The following PRRC2C variants were observed in gnomAD, a reference collection of about 807,000 sequenced individuals.
PRRC2C encodes the protein protein PRRC2C.
In PRRC2C, 72 loss-of-function variants were observed where a neutral mutation model predicts 317.2. The ratio of observed to expected loss-of-function variants is 0.23; its 90% CI spans 0.19 to 0.28. The LOEUF (loss-of-function observed/expected upper bound fraction) is 0.28. PRRC2C is among the 10% of genes least tolerant of loss of function. The probability of loss-of-function intolerance (pLI) is 1.00; values close to 1 mark genes in which losing one functional copy is unlikely to be tolerated. For synonymous variants in PRRC2C, 1,296 were observed against 1,205.9 expected (o/e 1.07, Z -1.55); for missense variants, 3,074 against 3,459.7 (o/e 0.89, Z 2.80).
chr1:171,519,169 TCAC>T (rs1374167718), intron 6 of PRRC2C, among the ~76,000 whole-genome samples: 1 of 152,002 alleles, frequency 6.6e-6, no homozygotes. Flanking sequence ...TAGGCATGAG[TCAC>T]CATGCCCGCT....
chr1:171,564,471 C>T (rs1683255548), intron 20 of PRRC2C, among the ~76,000 whole-genome samples: 1 of 152,220 alleles, frequency 6.6e-6, no homozygotes, highest in Non-Finnish European at 1.5e-5. Context: ...TCTAATACTA[C>T]TGTACACTTA....
chr1:171,542,295 G>A (rs1457829335), intron 16 of PRRC2C, 66 bp downstream of exon 16: 10 of 1,346,280 alleles, frequency 7.4e-6, no homozygotes, highest in East Asian at 5.0e-5. Context: ...AGAGTTCTTG[G>A]TTGAATTATG....
At chr1:171,508,942 A>C (rs1006867697) in intron 1 of PRRC2C, among the ~76,000 whole-genome samples, 3 of 151,380 alleles carry the variant, frequency 2.0e-5, no homozygotes, top group African/African-American at 4.9e-5. Context: ...GCTGGAGTGC[A>C]GTGGCATGAT....
chr1:171,581,933 A>G (rs1471882138), intron 28 of PRRC2C, among the ~76,000 whole-genome samples: 2 of 149,656 alleles, frequency 1.3e-5, no homozygotes, highest in Non-Finnish European at 3.0e-5. Context: ...ATCTCAGATG[A>G]TAGGGAAGTC....
chr1:171,532,922 A>G lies in PRRC2C; in HGVS notation c.1834A>G (p.Met612Val). 10 of 1,566,902 alleles carry G rather than the reference A, an allele frequency of 6.4e-6. No individual in the cohort carries two copies. The highest frequency in any genetic ancestry group is 2.3e-5 in the East Asian group (1 of 44,416). Residue 612 changes from methionine to valine, a missense_variant, in exon 12 of 35, where the codon ATG becomes GTG. Transcript: ENST00000647382. The part of the protein sequence containing the change: ...IEPREPNLEP[M>V]VEKQESENSC... ...ACCCAGAGAACCTAATTTAGAGCCCATGGTAGAAAAACAAGAAAGTGAAAA... is the reference window on the plus strand; with the variant it reads ...ACCCAGAGAACCTAATTTAGAGCCCGTGGTAGAAAAACAAGAAAGTGAAAA...
chr1:171,558,380 G>A (rs1406266789), intron 19 of PRRC2C, among the ~76,000 whole-genome samples: 5 of 140,962 alleles, frequency 3.5e-5, no homozygotes, highest in African/African-American at 1.3e-4. Flanking sequence ...GCAATGTTTG[G>A]GGGGGTCTTG....
Position 171,522,162 on chromosome 1 carries a change from GT to G in PRRC2C, c.751-12del. 6.8e-7 allele frequency: 1 copy of G among 1,471,886 alleles called. No homozygotes were observed. Among genetic ancestry groups the G allele is most frequent in the East Asian group, 2.3e-5 (1 of 42,930 alleles). 91.2% of individuals were successfully genotyped at this position (1,471,886 alleles called of 1,614,324 possible). A position where few individuals can be genotyped will look rare whatever the true frequency, so the allele number is the denominator to read the frequency against. ...GTTGCTAAATTTATCACAATTTTTT[GT>G]TTCCTTCATTCAGATGTTCCAACAG... On this transcript the variant is annotated splice_polypyrimidine_tract_variant and intron_variant, in intron 6 of 34. Coordinates refer to ENST00000647382, the MANE Select transcript of PRRC2C (RefSeq NM_001387844.1).
intron 15 of PRRC2C, among the ~76,000 whole-genome samples, chr1:171,537,748 C>G (rs1277544390): frequency 6.6e-6 from 1 of 152,102 alleles, no homozygotes; most frequent in African/African-American, 2.4e-5. Context: ...CTCTGTTATT[C>G]AGGCTGGAGT....
intron 20 of PRRC2C, among the ~76,000 whole-genome samples, chr1:171,563,124 C>A (rs1683006480): frequency 6.6e-6 from 1 of 151,982 alleles, no homozygotes. Flanking sequence ...GGATGAAAGC[C>A]TGGATGAAAG....
At chr1:171,563,309 T>C (rs1227088852) in intron 20 of PRRC2C, among the ~76,000 whole-genome samples, 1 of 152,192 alleles carries the variant, frequency 6.6e-6, no homozygotes, top group African/African-American at 2.4e-5. Flanking sequence ...TTAAATCATC[T>C]CTAGATTAAT....
intron 20 of PRRC2C, among the ~76,000 whole-genome samples, chr1:171,561,583 T>C (rs1332975510): frequency 6.6e-6 from 1 of 152,188 alleles, no homozygotes; most frequent in East Asian, 1.9e-4. Flanking sequence ...TGCTAACAAT[T>C]TCCCAAGTGA....
intron 9 of PRRC2C, 56 bp downstream of exon 9, chr1:171,523,578 C>T (rs1557911057): frequency 7.4e-7 from 1 of 1,352,422 alleles, no homozygotes; most frequent in Non-Finnish European, 1.0e-6. Context: ...ACAATATTAG[C>T]TACTTATGCA....
intron 30 of PRRC2C, among the ~76,000 whole-genome samples, chr1:171,585,612 T>C (rs1465170977): frequency 6.6e-6 from 1 of 152,222 alleles, no homozygotes; most frequent in Non-Finnish European, 1.5e-5. Context: ...CTTGAAAGTA[T>C]TATGTAAAAT....
chr1:171,542,494 A>G (rs1678127045), intron 16 of PRRC2C, among the ~76,000 whole-genome samples: 1 of 152,212 alleles, frequency 6.6e-6, no homozygotes, highest in African/African-American at 2.4e-5. Flanking sequence ...TTCACATCTA[A>G]GGAGGGACAT....
chr1:171,557,202 G>A (rs1681622557), intron 18 of PRRC2C, 38 bp from the exon 19 acceptor site: 2 of 1,508,538 alleles, frequency 1.3e-6, no homozygotes, highest in Non-Finnish European at 1.8e-6. Context: ...GCATTCAGCT[G>A]CATTATTGAC....
rs185788088 is a variant in PRRC2C at position 171,518,263 on chromosome 1, A to G, written c.750+449A>G. 2.4e-3 allele frequency among the ~76,000 whole-genome samples: 358 copies of G among 152,306 alleles called. No homozygotes were observed. The Middle Eastern group carries it at 0.037, about 16-fold the overall frequency. On this transcript the variant is annotated intron_variant, in intron 6 of 34. Transcript: ENST00000647382. ...GATTTATTTTGTAAATACAGAGAAC[A>G]ATTACACTAACATTCTGTTTAATAT...
At chr1:171,536,343 A>C (rs2102457119) in intron 14 of PRRC2C, 65 bp downstream of exon 14, 1 of 1,510,502 alleles carries the variant, frequency 6.6e-7, no homozygotes, top group South Asian at 1.2e-5. Context: ...TTTTAGTTTC[A>C]GTTCCTTTGA....
At chr1:171,591,159 C>G in intron 34 of PRRC2C, 1 of 988,996 alleles carries the variant, frequency 1.0e-6, no homozygotes, top group South Asian at 4.6e-5. Context: ...CAGAAGAGAG[C>G]TGTGGGAAGA....
intron 25 of PRRC2C, among the ~76,000 whole-genome samples, chr1:171,576,204 G>C (rs1357774400): frequency 2.0e-5 from 3 of 152,176 alleles, no homozygotes; most frequent in African/African-American, 4.8e-5. Flanking sequence ...CTTTGGGATG[G>C]GGGGGTTAGT....
Sources: gnomAD v4.1 joint callset for allele counts (sites outside exome capture counted in the v4.1 genomes callset) on GRCh38, gnomAD v4.1.1 for gene constraint, MANE v1.5 for transcripts, NCBI Gene and HGNC (gene_info 2026-07-23, HGNC 2026-07-21) for gene names.